The following DGKH variants were observed in gnomAD, a reference collection of about 807,000 sequenced individuals.
The protein encoded by DGKH is diacylglycerol kinase eta.
A neutral mutation model predicts 159.3 loss-of-function variants in DGKH; 90 were observed. The observed-to-expected ratio is 0.57, with a 90% confidence interval of 0.48 to 0.67. DGKH has a LOEUF of 0.67. Ranked by LOEUF, DGKH falls within the 30% of genes least tolerant of loss-of-function variation. The pLI is 0.00. For synonymous variants in DGKH, 536 were observed against 553.8 expected (o/e 0.97, Z 0.45); for missense variants, 1,181 against 1,506.1 (o/e 0.78, Z 3.57).
At chr13:42,211,309 A>G (rs932617215) in intron 24 of DGKH, among the ~76,000 whole-genome samples, 2 of 152,184 alleles carry the variant, frequency 1.3e-5, no homozygotes, top group Middle Eastern at 3.2e-3. Context: ...TGAAGATTAA[A>G]TGAGACTCTA....
At chr13:42,057,761 C>T (rs1881869220) in intron 1 of DGKH, among the ~76,000 whole-genome samples, 1 of 152,098 alleles carries the variant, frequency 6.6e-6, no homozygotes, top group Non-Finnish European at 1.5e-5. Flanking sequence ...AATTTATGAA[C>T]TTGTAAATAC....
chr13:42,082,169 G>A (rs1000542530), intron 1 of DGKH, among the ~76,000 whole-genome samples: 5 of 151,614 alleles, frequency 3.3e-5, no homozygotes, highest in Admixed American at 1.3e-4. Flanking sequence ...CTCTGACACT[G>A]GCACTGGCTC....
chr13:42,117,614 G>A (rs1954988279), intron 1 of DGKH, among the ~76,000 whole-genome samples: 1 of 152,060 alleles, frequency 6.6e-6, no homozygotes, highest in Non-Finnish European at 1.5e-5. Context: ...GTAACATAGA[G>A]AGGTTTGTAG....
intron 1 of DGKH, among the ~76,000 whole-genome samples, chr13:42,057,146 T>C (rs1216449823): frequency 6.7e-6 from 1 of 149,412 alleles, no homozygotes; most frequent in Non-Finnish European, 1.5e-5. Flanking sequence ...ACTCTTCAAA[T>C]AGGTTTTCAA....
rs1195211616 is a variant in DGKH at position 42,207,059 on chromosome 13, TTCC to T, written c.2601+915_2601+917del. Among the ~76,000 whole-genome samples the T allele has an allele frequency of 9.4e-3, 262 of 27,832 alleles. 16 individuals are homozygous for T. Among genetic ancestry groups the T allele is most frequent in the Middle Eastern group, 0.016 (1 of 62 alleles). The allele number at this position is 27,832 out of a possible 152,430, so 18.3% of individuals were successfully genotyped here. ...TTTCTTTCCTTCTTTCCTTCTTTCC[TTCC>T]TTCTTTCTTTCTTTCTTTCTTTCTT... On this transcript the variant is annotated intron_variant, in intron 21 of 29. Coordinates refer to ENST00000337343, the MANE Select transcript of DGKH (RefSeq NM_178009.5).
intron 1 of DGKH, among the ~76,000 whole-genome samples, chr13:42,079,313 A>G (rs139639913): frequency 1.0e-3 from 153 of 152,260 alleles, no homozygotes; most frequent in African/African-American, 3.5e-3. Flanking sequence ...AGTTATGGGT[A>G]TATGTACAAA....
chr13:42,069,871 C>G, intron 1 of DGKH: 3 of 753,440 alleles, frequency 4.0e-6, no homozygotes, highest in Non-Finnish European at 6.8e-6. Flanking sequence ...CCCCAGATAC[C>G]TTTCCCGATC....
intron 1 of DGKH, among the ~76,000 whole-genome samples, chr13:42,123,133 G>A (rs751613094): frequency 2.0e-5 from 3 of 152,108 alleles, no homozygotes; most frequent in Non-Finnish European, 2.9e-5. Context: ...ACATTAAGTC[G>A]CTAATTCCTC....
At chr13:42,170,055 A>T (rs143887281) in intron 11 of DGKH, among the ~76,000 whole-genome samples, 4 of 152,350 alleles carry the variant, frequency 2.6e-5, no homozygotes, top group South Asian at 4.1e-4. Context: ...GGGAAAAAAG[A>T]TTGGAAATAA....
At chr13:42,192,882 T>C (rs575867392) in intron 16 of DGKH, among the ~76,000 whole-genome samples, 1 of 152,316 alleles carries the variant, frequency 6.6e-6, no homozygotes, top group South Asian at 2.1e-4. Context: ...ATTCTTCAGA[T>C]ATTTTCTGTG....
At chr13:42,247,300 G>A (rs1031578645), downstream of DGKH, among the ~76,000 whole-genome samples, 1 of 144,894 alleles carries the variant, frequency 6.9e-6, no homozygotes, top group African/African-American at 2.6e-5. Flanking sequence ...GCATGATCTC[G>A]ACTCACGGCA....
intron 29 of DGKH, among the ~76,000 whole-genome samples, chr13:42,250,172 T>C (rs1368102457): frequency 1.3e-5 from 2 of 151,888 alleles, no homozygotes; most frequent in Non-Finnish European, 2.9e-5. Context: ...GGCTTCACCA[T>C]GTTAGCCAGG....
Position 42,232,391 on chromosome 13 carries a change from G to C in DGKH, c.*3203G>C, listed in dbSNP as rs1958319330. Reference sequence around the variant, plus strand: ...AAGAACTTGCTTTTAAAGGAGGAAAGGGACAGAATCAGACCTAAATAAAAT... The same window carrying C: ...AAGAACTTGCTTTTAAAGGAGGAAACGGACAGAATCAGACCTAAATAAAAT... On this transcript the variant is annotated 3_prime_UTR_variant, in exon 30 of 30. Coordinates refer to ENST00000337343, the MANE Select transcript of DGKH (RefSeq NM_178009.5). 6.6e-6 allele frequency: 1 copy of C among 152,172 alleles called. No individual in the cohort carries two copies. The highest frequency in any genetic ancestry group is 2.1e-4 in the South Asian group (1 of 4,822). 9.4% of individuals were successfully genotyped at this position (152,172 alleles called of 1,614,324 possible).
chr13:42,212,839 T>C (rs1957691400), intron 24 of DGKH, among the ~76,000 whole-genome samples: 1 of 152,154 alleles, frequency 6.6e-6, no homozygotes, highest in South Asian at 2.1e-4. Context: ...AGATACACTC[T>C]AGAGGAAGTC....
chr13:42,225,428 C>A, intron 29 of DGKH: 2 of 1,144,436 alleles, frequency 1.7e-6, no homozygotes, highest in Non-Finnish European at 2.4e-6. Flanking sequence ...ATCTACAAAG[C>A]ATGCTTTGTC....
intron 29 of DGKH, chr13:42,225,333 A>G (rs1397779343): frequency 2.2e-5 from 35 of 1,582,540 alleles, no homozygotes; most frequent in Non-Finnish European, 2.9e-5. Flanking sequence ...AATGGTAAAC[A>G]TATGGTGAGA....
At chr13:42,213,742 C>CAA (rs370560967) in intron 24 of DGKH, among the ~76,000 whole-genome samples, 5 of 151,756 alleles carry the variant, frequency 3.3e-5, no homozygotes, top group African/African-American at 1.2e-4. Context: ...CTGTCAGAAG[C>CAA]AAAAAAAACA....
chr13:42,216,902 A>G (rs1392242814), intron 26 of DGKH, among the ~76,000 whole-genome samples: 1 of 152,188 alleles, frequency 6.6e-6, no homozygotes, highest in Non-Finnish European at 1.5e-5. Flanking sequence ...CTTACAACTA[A>G]AAGCATAATT....
At chr13:42,254,718 T>C (rs1032693680) in intron 30 of DGKH, among the ~76,000 whole-genome samples, 1 of 152,146 alleles carries the variant, frequency 6.6e-6, no homozygotes. Flanking sequence ...ATAAACTAAA[T>C]TGAAGGCAGT....
Sources: allele counts gnomAD v4.1 joint callset (sites outside exome capture counted in the v4.1 genomes callset), GRCh38; gene constraint gnomAD v4.1.1; transcripts MANE v1.5; gene names NCBI Gene and HGNC (gene_info 2026-07-23, HGNC 2026-07-21).